COG5: variants seen among roughly 807,000 people sequenced by gnomAD.
COG5 encodes component of oligomeric golgi complex 5, also known as conserved oligomeric Golgi complex subunit 5.
A neutral mutation model predicts 110.4 loss-of-function variants in COG5; 86 were observed. That is an observed-to-expected ratio of 0.78 (90% CI 0.65 to 0.93). COG5 has a LOEUF of 0.93. Ranked by LOEUF, COG5 falls within the 40% of genes least tolerant of loss-of-function variation. COG5 has a pLI of 0.00. For synonymous variants in COG5, 360 were observed against 334.6 expected (o/e 1.08, Z -0.83); for missense variants, 1,077 against 987.0 (o/e 1.09, Z -1.22).
chr7:107,558,028 A>C lies in COG5; in HGVS notation c.182T>G (p.Leu61Arg), dbSNP rs112008782. 1 of 1,614,050 alleles carries C rather than the reference A, an allele frequency of 6.2e-7. No individual in the cohort carries two copies. The highest frequency in any genetic ancestry group is 1.7e-5 in the Admixed American group (1 of 60,024). Residue 61 changes from leucine (L) to arginine (R), a missense_variant, in exon 2 of 22, where the codon CTA becomes CGA. Transcript: ENST00000297135. ...SIHQAVIAEQ[L>R]AKLAQGISQL... Reference sequence around the variant, plus strand: ...ACTGATTCCTTGGGCAAGTTTTGCTAGTTGTTCAGCAATTACAGCTTGATG... The same window carrying C: ...ACTGATTCCTTGGGCAAGTTTTGCTCGTTGTTCAGCAATTACAGCTTGATG...
chr7:107,478,927 T>C (rs1347817772), intron 6 of COG5, among the ~76,000 whole-genome samples: 1 of 152,078 alleles, frequency 6.6e-6, no homozygotes, highest in Non-Finnish European at 1.5e-5. Flanking sequence ...ACTTTTAATT[T>C]TATTGCATTT....
chr7:107,218,726 G>C (rs1358529647), intron 19 of COG5, among the ~76,000 whole-genome samples: 1 of 151,270 alleles, frequency 6.6e-6, no homozygotes, highest in Non-Finnish European at 1.5e-5. Flanking sequence ...TCAAGGTGTG[G>C]TCTTGAAAGG....
At chr7:107,438,872 T>C (rs1794531965) in intron 6 of COG5, among the ~76,000 whole-genome samples, 1 of 152,198 alleles carries the variant, frequency 6.6e-6, no homozygotes, top group African/African-American at 2.4e-5. Flanking sequence ...TCTACAGTCT[T>C]TCAAGTAGGC....
intron 10 of COG5, among the ~76,000 whole-genome samples, chr7:107,325,332 A>G (rs1809669521): frequency 6.6e-6 from 1 of 152,224 alleles, no homozygotes; most frequent in Non-Finnish European, 1.5e-5. Flanking sequence ...TTGCAGCCAG[A>G]AATGCCAACT....
chr7:107,434,753 T>A (rs144796673), intron 6 of COG5, among the ~76,000 whole-genome samples: 3 of 151,866 alleles, frequency 2.0e-5, no homozygotes, highest in Non-Finnish European at 4.4e-5. Flanking sequence ...GGCGGATCAC[T>A]AGGTCAGGAG....
chr7:107,460,408 AC>A (rs1215198141), intron 6 of COG5, among the ~76,000 whole-genome samples: 3 of 152,114 alleles, frequency 2.0e-5, no homozygotes, highest in South Asian at 2.1e-4. Context: ...GAAAAAAAAA[AC>A]AACATACTTT....
At chr7:107,289,797 G>A (rs1275978934) in intron 12 of COG5, among the ~76,000 whole-genome samples, 2 of 152,138 alleles carry the variant, frequency 1.3e-5, no homozygotes, top group Non-Finnish European at 2.9e-5. Flanking sequence ...ACCCAACAAT[G>A]AATTGTTATA....
chr7:107,548,439 T>A, intron 3 of COG5, 107 bp from the exon 4 acceptor site: 1 of 1,072,596 alleles, frequency 9.3e-7, no homozygotes. Flanking sequence ...TAACTTTTTT[T>A]GTCACCATCC....
At chr7:107,540,488 G>A (rs1801897617) in intron 5 of COG5, among the ~76,000 whole-genome samples, 3 of 151,672 alleles carry the variant, frequency 2.0e-5, no homozygotes, top group South Asian at 4.2e-4. Flanking sequence ...TGGGGCAGGA[G>A]GATTGCTTGA....
chr7:107,456,741 A>G (rs572160229), intron 6 of COG5, among the ~76,000 whole-genome samples: 3 of 152,352 alleles, frequency 2.0e-5, no homozygotes, highest in East Asian at 3.9e-4. Flanking sequence ...GCAAAGAACC[A>G]CTACCAGAAA....
At chr7:107,363,038 G>A (rs1473733067) in intron 8 of COG5, among the ~76,000 whole-genome samples, 4 of 152,118 alleles carry the variant, frequency 2.6e-5, no homozygotes, top group Non-Finnish European at 4.4e-5. Context: ...TGGTATTGAA[G>A]TAGTAATCCT....
intron 6 of COG5, chr7:107,471,920 A>G (rs1796656495): frequency 6.6e-6 from 1 of 152,050 alleles, no homozygotes; most frequent in Non-Finnish European, 1.5e-5. Context: ...GATTTATAAT[A>G]TAAAGCAAGT....
chr7:107,456,765 A>G (rs750425101), intron 6 of COG5, among the ~76,000 whole-genome samples: 3 of 152,218 alleles, frequency 2.0e-5, no homozygotes, highest in Non-Finnish European at 2.9e-5. Flanking sequence ...TGCAAAACTG[A>G]TCAACTCTCA....
intron 18 of COG5, among the ~76,000 whole-genome samples, chr7:107,235,270 A>C (rs922711551): frequency 6.6e-6 from 1 of 152,230 alleles, no homozygotes; most frequent in Non-Finnish European, 1.5e-5. Flanking sequence ...GAAGCAAGAC[A>C]CACTCCCGGA....
rs185172879 is a variant in COG5 at position 107,340,409 on chromosome 7, G to A, written c.1027-15888C>T. ...TCTACCAAGCAAAAAACAGCCCTGG[G>A]CCAAACTGATTCACAGCAGAATTCT... On this transcript the variant is annotated intron_variant, in intron 10 of 21. Transcript: ENST00000297135. Among the ~76,000 whole-genome samples the A allele has an allele frequency of 2.0e-3, 304 of 152,076 alleles. 2 individuals are homozygous for A. The highest frequency in any genetic ancestry group is 6.9e-3 in the African/African-American group (287 of 41,508).
chr7:107,446,905 T>G lies in COG5; in HGVS notation c.539-34273A>C, dbSNP rs975756586. On this transcript the variant is annotated intron_variant, in intron 6 of 21. Transcript: ENST00000297135. Reference sequence around the variant, plus strand: ...GACAAATTACAACAAAATTAGTGGCTCTACACAATACAATTTACTATCTCA... The same window carrying G: ...GACAAATTACAACAAAATTAGTGGCGCTACACAATACAATTTACTATCTCA... Among the ~76,000 whole-genome samples, 4 of 152,336 alleles carry G rather than the reference T, an allele frequency of 2.6e-5. No individual in the cohort carries two copies. The South Asian group carries it at 8.3e-4, about 32-fold the overall frequency.
chr7:107,478,569 C>A (rs778464318), intron 6 of COG5, among the ~76,000 whole-genome samples: 1 of 151,672 alleles, frequency 6.6e-6, no homozygotes, highest in Non-Finnish European at 1.5e-5. Flanking sequence ...TATAATTGTA[C>A]TACTTTATTA....
At chr7:107,333,231 G>C (rs907513174) in intron 10 of COG5, among the ~76,000 whole-genome samples, 3 of 152,174 alleles carry the variant, frequency 2.0e-5, no homozygotes, top group Non-Finnish European at 2.9e-5. Context: ...ATTCAAAGCA[G>C]AGGGATCCTG....
chr7:107,457,564 G>A (rs912815663), intron 6 of COG5, among the ~76,000 whole-genome samples: 1 of 152,050 alleles, frequency 6.6e-6, no homozygotes, highest in Non-Finnish European at 1.5e-5. Flanking sequence ...AAGTAGCTGG[G>A]ACTACAGGTG....
Sources: allele counts gnomAD v4.1 joint callset (sites outside exome capture counted in the v4.1 genomes callset), GRCh38; gene constraint gnomAD v4.1.1; transcripts MANE v1.5; gene names NCBI Gene and HGNC (gene_info 2026-07-23, HGNC 2026-07-21).